The following HSD17B4 variants were observed in gnomAD, a reference collection of about 807,000 sequenced individuals.
HSD17B4 encodes peroxisomal multifunctional enzyme type 2.
In HSD17B4, 70 loss-of-function variants were observed where a neutral mutation model predicts 101.0. The ratio of observed to expected loss-of-function variants is 0.69; its 90% confidence interval spans 0.57 to 0.85. The LOEUF is 0.85. Among genes scored for constraint, HSD17B4 ranks in the 40% least tolerant of loss-of-function variants. HSD17B4 has a pLI of 0.00. For missense variants in HSD17B4, 984 were observed against 892.4 expected (o/e 1.10, Z -1.31); for synonymous variants, 347 against 297.1 (o/e 1.17, Z -1.73).
chr5:119,508,952 G>C (rs1218450299), intron 15 of HSD17B4, among the ~76,000 whole-genome samples, 189 bp from the exon 16 acceptor site: 1 of 152,200 alleles, frequency 6.6e-6, no homozygotes, highest in Non-Finnish European at 1.5e-5. Context: ...CTGCCTTTCA[G>C]ATTCTGGTAT....
intron 14 of HSD17B4, among the ~76,000 whole-genome samples, chr5:119,505,512 T>C (rs546376960): frequency 6.6e-6 from 1 of 152,312 alleles, no homozygotes; most frequent in African/African-American, 2.4e-5. Context: ...CTATTGTAAA[T>C]GAGATTGCAT....
chr5:119,453,110 G>GT (rs1190983597), intron 1 of HSD17B4, among the ~76,000 whole-genome samples: 4 of 152,342 alleles, frequency 2.6e-5, no homozygotes, highest in African/African-American at 7.2e-5. Flanking sequence ...TCCCTCTGTC[G>GT]TAAGATTTTA....
rs573984212 is a variant in HSD17B4 at position 119,489,305 on chromosome 5, C to G, written c.714+22C>G. The G allele has an allele frequency of 4.0e-6, 6 of 1,504,430 alleles. No individual in the cohort carries two copies. In the East Asian group the frequency reaches 1.4e-4, roughly 34 times the overall value. The allele number at this position is 1,504,430 out of a possible 1,614,324, so 93.2% of individuals were successfully genotyped here. A position where few individuals can be genotyped will look rare whatever the true frequency, so the allele number is the denominator to read the frequency against. ...TGAGGTATTTGCACCTTCCTGTTTT[C>G]TCTTATTAGTTTTCTCCAGTTGCTT... is the stretch of plus-strand genomic sequence containing the variant. On this transcript the variant is annotated intron_variant, in intron 9 of 23. Coordinates refer to ENST00000510025, the MANE Select transcript of HSD17B4 (RefSeq NM_000414.4).
chr5:119,496,897 G>T (rs1750697787), intron 12 of HSD17B4, among the ~76,000 whole-genome samples: 4 of 152,218 alleles, frequency 2.6e-5, no homozygotes, highest in Admixed American at 2.6e-4. Context: ...GGACAGTTGA[G>T]CCACATGAAG....
At chr5:119,537,255 A>G (rs745945529) in intron 23 of HSD17B4, among the ~76,000 whole-genome samples, 1 of 152,174 alleles carries the variant, frequency 6.6e-6, no homozygotes, top group Non-Finnish European at 1.5e-5. Context: ...TAGAAAGACT[A>G]AAAGGAATTG....
intron 2 of HSD17B4, among the ~76,000 whole-genome samples, chr5:119,468,865 T>G (rs963712711): frequency 1.3e-5 from 2 of 151,890 alleles, no homozygotes; most frequent in Admixed American, 1.3e-4. Context: ...AGTTTAAATA[T>G]TCTTTCTTTT....
At chr5:119,519,174 A>C (rs1036285542) in intron 17 of HSD17B4, among the ~76,000 whole-genome samples, 1 of 152,198 alleles carries the variant, frequency 6.6e-6, no homozygotes, top group Non-Finnish European at 1.5e-5. Context: ...GTATGACAAT[A>C]CAAGTGTACT....
At chr5:119,521,372 G>A (rs1753099014) in intron 17 of HSD17B4, among the ~76,000 whole-genome samples, 1 of 152,130 alleles carries the variant, frequency 6.6e-6, no homozygotes, top group African/African-American at 2.4e-5. Flanking sequence ...CATGTTGCAG[G>A]TCAGTCTTCC....
chr5:119,452,538 T>C lies in HSD17B4; in HGVS notation c.-38T>C, dbSNP rs911586677. Reference sequence around the variant, plus strand: ...TGTCCCGCAGTCGGCGTCCAGCGGCTCTGCTTGTTCGTGTGTGTGTCGTTG... The same window carrying C: ...TGTCCCGCAGTCGGCGTCCAGCGGCCCTGCTTGTTCGTGTGTGTGTCGTTG... On this transcript the variant is annotated 5_prime_UTR_variant, in exon 1 of 24. Transcript: ENST00000510025. 6.2e-7 allele frequency: 1 copy of C among 1,613,666 alleles called. No homozygotes were observed. Among genetic ancestry groups the C allele is most frequent in the Non-Finnish European group, 8.5e-7 (1 of 1,179,976 alleles).
At chr5:119,521,651 G>A (rs1753121617) in intron 17 of HSD17B4, among the ~76,000 whole-genome samples, 1 of 150,452 alleles carries the variant, frequency 6.6e-6, no homozygotes, top group Non-Finnish European at 1.5e-5. Flanking sequence ...TTCTCCTTTG[G>A]GTACCTTATA....
At chr5:119,477,801 G>A in intron 7 of HSD17B4, 1 of 350,620 alleles carries the variant, frequency 2.9e-6, no homozygotes, top group Non-Finnish European at 5.4e-6. Context: ...TGTCCAGGCT[G>A]GAGTACAGTG....
At chr5:119,475,766 A>G in intron 5 of HSD17B4, 39 bp downstream of exon 5, 1 of 1,581,414 alleles carries the variant, frequency 6.3e-7, no homozygotes, top group Non-Finnish European at 8.7e-7. Context: ...TGTGTGTATA[A>G]TTTTTTTAAA....
At chr5:119,533,834 C>T (rs1754321053) in intron 22 of HSD17B4, among the ~76,000 whole-genome samples, 1 of 152,054 alleles carries the variant, frequency 6.6e-6, no homozygotes, top group Non-Finnish European at 1.5e-5. Flanking sequence ...CTTTGTTGGT[C>T]CTGCTGTTCC....
intron 1 of HSD17B4, among the ~76,000 whole-genome samples, chr5:119,455,855 A>G (rs959890419): frequency 6.6e-6 from 1 of 152,146 alleles, no homozygotes. Flanking sequence ...CACTGGCACT[A>G]GGGACCTGAA....
intron 11 of HSD17B4, among the ~76,000 whole-genome samples, chr5:119,494,952 G>T (rs1301784993): frequency 5.9e-5 from 9 of 151,756 alleles, no homozygotes; most frequent in Non-Finnish European, 1.0e-4. Context: ...CATGAGTCAG[G>T]GTCATTTTGT....
At chr5:119,463,057 C>T (rs549370129) in intron 2 of HSD17B4, among the ~76,000 whole-genome samples, 1 of 152,198 alleles carries the variant, frequency 6.6e-6, no homozygotes, top group Non-Finnish European at 1.5e-5. Context: ...CTCTGTACTT[C>T]TGTGAGATCA....
chr5:119,514,561 T>C (rs1312865767), intron 16 of HSD17B4, among the ~76,000 whole-genome samples: 1 of 152,204 alleles, frequency 6.6e-6, no homozygotes, highest in Non-Finnish European at 1.5e-5. Context: ...GTAACCAACT[T>C]TAAAATGTAT....
At chr5:119,540,773 TG>T (rs1339217420) in intron 23 of HSD17B4, among the ~76,000 whole-genome samples, 1 of 152,220 alleles carries the variant, frequency 6.6e-6, no homozygotes, top group Non-Finnish European at 1.5e-5. Context: ...TAACAAGTAT[TG>T]TTAACAAGCA....
rs1481333265 is a variant in HSD17B4, at chr5:119,536,033, G to A, written c.1994-390G>A. The stretch of plus-strand genomic sequence containing the variant: ...AAGCTTAGTTATTAATAAATACAGA[G>A]CTAAAAATCAACAGTAAGATGCCTG... On this transcript the variant is annotated intron_variant, in intron 22 of 23. Coordinates refer to ENST00000510025, the MANE Select transcript of HSD17B4 (RefSeq NM_000414.4). The A allele has an allele frequency of 1.6e-5, 4 of 254,478 alleles. No individual in the cohort carries two copies. The East Asian group carries it at 4.3e-4, about 27-fold the overall frequency. 15.8% of individuals were successfully genotyped at this position (254,478 alleles called of 1,614,324 possible). A position where few individuals can be genotyped will look rare whatever the true frequency, so the allele number is the denominator to read the frequency against.
Sources: allele counts gnomAD v4.1 joint callset (sites outside exome capture counted in the v4.1 genomes callset), GRCh38; gene constraint gnomAD v4.1.1; transcripts MANE v1.5; gene names NCBI Gene and HGNC (gene_info 2026-07-23, HGNC 2026-07-21).